The following MIGA1 variants were observed in gnomAD, a reference collection of about 807,000 sequenced individuals.
The protein encoded by MIGA1 is mitoguardin 1, also known as family with sequence similarity 73, member A.
In MIGA1, 58 loss-of-function variants were observed where a neutral mutation model predicts 82.0. The observed-to-expected ratio is 0.71, with a 90% confidence interval of 0.57 to 0.88. The LOEUF (loss-of-function observed/expected upper bound fraction) is 0.88. Among genes scored for constraint, MIGA1 ranks in the 40% least tolerant of loss-of-function variants. MIGA1 has a pLI of 0.00. For synonymous variants in MIGA1, 249 were observed against 253.6 expected (o/e 0.98, Z 0.17); for missense variants, 751 against 749.1 (o/e 1.00, Z -0.03).
intron 1 of MIGA1, among the ~76,000 whole-genome samples, chr1:77,781,254 G>A (rs546706556): frequency 6.6e-6 from 1 of 152,258 alleles, no homozygotes; most frequent in Non-Finnish European, 1.5e-5. Context: ...GCCAATTAAA[G>A]TGTTTGCTTT....
chr1:77,839,305 AT>A (rs951375992), intron 7 of MIGA1, among the ~76,000 whole-genome samples: 352 of 142,456 alleles, frequency 2.5e-3, no homozygotes, highest in Middle Eastern at 3.5e-3. Flanking sequence ...TGGTTTTAGG[AT>A]TTTTTTTTTT....
chr1:77,831,360 CA>C (rs370635749), intron 7 of MIGA1, among the ~76,000 whole-genome samples: 64 of 152,100 alleles, frequency 4.2e-4, no homozygotes, highest in Middle Eastern at 3.4e-3. Context: ...AAATGGGTAG[CA>C]AATGCAAAAA....
At chr1:77,855,838 AC>A (rs2101924675) in intron 8 of MIGA1, among the ~76,000 whole-genome samples, 1 of 152,086 alleles carries the variant, frequency 6.6e-6, no homozygotes, top group African/African-American at 2.4e-5. Flanking sequence ...TTGACAGCAA[AC>A]AGTGACAGTT....
At chr1:77,858,159 C>T (rs996909944) in intron 8 of MIGA1, among the ~76,000 whole-genome samples, 2 of 152,034 alleles carry the variant, frequency 1.3e-5, no homozygotes, top group African/African-American at 4.8e-5. Flanking sequence ...CCAGCCTGGC[C>T]AACATGGCAA....
chr1:77,814,976 C>G (rs1683517630), intron 6 of MIGA1, 132 bp from the exon 7 acceptor site: 1 of 574,770 alleles, frequency 1.7e-6, no homozygotes, highest in Non-Finnish European at 2.7e-6. Context: ...TGCTGCTGTA[C>G]TCTTTCCACC....
At chr1:77,846,274 T>C (rs1438723226) in intron 8 of MIGA1, among the ~76,000 whole-genome samples, 1 of 152,222 alleles carries the variant, frequency 6.6e-6, no homozygotes, top group Admixed American at 6.5e-5. Flanking sequence ...GCATAATGTT[T>C]TCTTTCAAGT....
intron 7 of MIGA1, among the ~76,000 whole-genome samples, chr1:77,826,965 C>T (rs1396354673): frequency 6.6e-6 from 1 of 150,804 alleles, no homozygotes; most frequent in Non-Finnish European, 1.5e-5. Context: ...CCAGCACGCC[C>T]AGCTAATTTT....
At chr1:77,809,316 C>T (rs1683224710) in intron 5 of MIGA1, among the ~76,000 whole-genome samples, 1 of 152,128 alleles carries the variant, frequency 6.6e-6, no homozygotes, top group Non-Finnish European at 1.5e-5. Flanking sequence ...AGATTGGTGA[C>T]ATATGTTTGA....
intron 5 of MIGA1, among the ~76,000 whole-genome samples, chr1:77,812,612 T>C (rs866626487): frequency 2.0e-4 from 31 of 152,372 alleles, no homozygotes; most frequent in Middle Eastern, 6.8e-3. Context: ...CTTAAACAGC[T>C]TTTAAAGATC....
At chr1:77,843,167 A>G (rs765341988) in intron 7 of MIGA1, 140 bp from the exon 8 acceptor site, 16 of 540,958 alleles carry the variant, frequency 3.0e-5, no homozygotes, top group Non-Finnish European at 5.0e-5. Flanking sequence ...TCAGTTAAAC[A>G]ATGGATACTT....
At chr1:77,850,909 A>G in intron 8 of MIGA1, among the ~76,000 whole-genome samples, 1 of 150,410 alleles carries the variant, frequency 6.6e-6, no homozygotes, top group Non-Finnish European at 1.5e-5. Context: ...TGCTCTTGTC[A>G]CCCAGGCTGG....
chr1:77,783,449 G>A, intron 2 of MIGA1, 98 bp downstream of exon 2: 1 of 585,548 alleles, frequency 1.7e-6, no homozygotes, highest in Non-Finnish European at 2.8e-6. Flanking sequence ...TTTCTATATA[G>A]TACAGTCAAA....
chr1:77,822,037 C>T (rs1447624482), intron 7 of MIGA1, among the ~76,000 whole-genome samples: 2 of 152,034 alleles, frequency 1.3e-5, no homozygotes, highest in Non-Finnish European at 2.9e-5. Flanking sequence ...TTACCTTACA[C>T]ACCACACACA....
At chr1:77,843,522 G>C in intron 8 of MIGA1, 115 bp downstream of exon 8, 1 of 722,544 alleles carries the variant, frequency 1.4e-6, no homozygotes, top group South Asian at 1.8e-5. Flanking sequence ...GTACCATGTG[G>C]TAGGTGCCAG....
At position 77,813,808 on chromosome 1, in the gene MIGA1, G is replaced by A; in HGVS notation, c.712G>A (p.Glu238Lys). Residue 238 changes from glutamate (E) to lysine (K), a missense_variant, in exon 6 of 16, where the codon GAA becomes AAA. Coordinates refer to ENST00000370791, the MANE Select transcript of MIGA1 (RefSeq NM_198549.4). ...CTTTCGCAATAGACAGGCTGAAGAT[G>A]AAGCCTGTGGTTCCATTAAACTGGG... 1.2e-6 allele frequency: 2 copies of A among 1,614,096 alleles called. No homozygotes were observed. The highest frequency in any genetic ancestry group is 1.7e-6 in the Non-Finnish European group (2 of 1,179,904).
rs977195286 is a variant in MIGA1 at position 77,875,282 on chromosome 1, G to A, written c.*218G>A. On this transcript the variant is annotated 3_prime_UTR_variant, in exon 16 of 16. Transcript: ENST00000370791. ...TCATAGTGGCTTTTTGCATTCATTA[G>A]GTAATAATTGAAGTCATGAAATGTA... 20 of 456,600 alleles carry A rather than the reference G, an allele frequency of 4.4e-5. No homozygotes were observed. The highest frequency in any genetic ancestry group is 7.0e-5 in the Non-Finnish European group (18 of 257,834). 28.3% of individuals were successfully genotyped at this position (456,600 alleles called of 1,614,324 possible).
At chr1:77,835,431 T>A (rs1684389871) in intron 7 of MIGA1, among the ~76,000 whole-genome samples, 1 of 152,208 alleles carries the variant, frequency 6.6e-6, no homozygotes, top group African/African-American at 2.4e-5. Flanking sequence ...TAGATTTACT[T>A]ATTTTAAAAT....
chr1:77,793,783 C>CTTTTTT (rs1175821307), intron 2 of MIGA1, among the ~76,000 whole-genome samples: 2 of 114,154 alleles, frequency 1.8e-5, no homozygotes, highest in East Asian at 2.5e-4. Flanking sequence ...AAAATTTTAT[C>CTTTTTT]TTTTTTTTTT....
chr1:77,780,171 G>T (rs999398730), intron 1 of MIGA1: 44 of 988,930 alleles, frequency 4.4e-5, no homozygotes, highest in Non-Finnish European at 5.2e-5. Context: ...CTGCTGTGGG[G>T]TCGGGGGAGA....
Sources: allele counts gnomAD v4.1 joint callset (sites outside exome capture counted in the v4.1 genomes callset), GRCh38; gene constraint gnomAD v4.1.1; transcripts MANE v1.5; gene names NCBI Gene and HGNC (gene_info 2026-07-23, HGNC 2026-07-21).